NCAM1: variants seen among roughly 807,000 people sequenced by gnomAD.
The protein encoded by NCAM1 is neural cell adhesion molecule 1.
In NCAM1, 14 loss-of-function variants were observed where a neutral mutation model predicts 109.8. The observed-to-expected ratio is 0.13, with a 90% confidence interval of 0.08 to 0.20. The LOEUF is 0.20. NCAM1 is among the 10% of genes least tolerant of loss of function. The probability of loss-of-function intolerance (pLI) is 1.00; values close to 1 mark genes in which losing one functional copy is unlikely to be tolerated. For missense variants in NCAM1, 774 were observed against 1,109.9 expected, an observed-to-expected ratio of 0.70 and a Z score of 4.30; for synonymous variants, 418 against 442.9, an observed-to-expected ratio of 0.94 and a Z score of 0.70.
rs147958488 is a variant in NCAM1 at position 113,095,315 on chromosome 11, C to CGTGTGTGTGTGTGTGTGT, written c.53-107048_53-107047insGTGTGTGTGTGTGTGTGT. On this transcript the variant is annotated intron_variant, in intron 1 of 19. Coordinates refer to ENST00000316851, the MANE Select transcript of NCAM1 (RefSeq NM_181351.5). ...GCACTGACCTTGCTGTAATAGAATG[C>CGTGTGTGTGTGTGTGTGT]GTGTGTGTGTGTGTGTATATGTATG... Among the ~76,000 whole-genome samples, 530 of 151,260 alleles carry CGTGTGTGTGTGTGTGTGT rather than the reference C, an allele frequency of 3.5e-3. 1 individual carries two copies. Among genetic ancestry groups the CGTGTGTGTGTGTGTGTGT allele is most frequent in the African/African-American group, 0.011 (460 of 41,278 alleles).
chr11:113,225,955 C>A (rs1369743694), intron 9 of NCAM1, among the ~76,000 whole-genome samples: 1 of 152,214 alleles, frequency 6.6e-6, no homozygotes, highest in Non-Finnish European at 1.5e-5. Context: ...AAAGGAACAA[C>A]TGGTACCAGC....
intron 1 of NCAM1, among the ~76,000 whole-genome samples, chr11:113,160,188 G>C (rs1942553368): frequency 1.3e-5 from 2 of 152,076 alleles, no homozygotes; most frequent in Admixed American, 1.3e-4. Flanking sequence ...AGGCCCTGCT[G>C]AGCTTCCTAG....
chr11:113,192,305 G>A (rs1219723781), intron 1 of NCAM1, among the ~76,000 whole-genome samples: 1 of 152,214 alleles, frequency 6.6e-6, no homozygotes, highest in African/African-American at 2.4e-5. Flanking sequence ...TTTATCTGGA[G>A]AAGCTTAGCT....
chr11:113,148,210 G>T (rs1177195757), intron 1 of NCAM1, among the ~76,000 whole-genome samples: 2 of 152,092 alleles, frequency 1.3e-5, no homozygotes, highest in East Asian at 3.9e-4. Flanking sequence ...TGCAGGTGTG[G>T]CTCCCAGCAG....
chr11:113,049,708 A>T (rs1268687498), intron 1 of NCAM1, among the ~76,000 whole-genome samples: 1 of 152,212 alleles, frequency 6.6e-6, no homozygotes, highest in Non-Finnish European at 1.5e-5. Context: ...ACAGAAAAAT[A>T]GCAGGGGCTC....
At chr11:113,000,817 C>T (rs1407502034) in intron 1 of NCAM1, among the ~76,000 whole-genome samples, 12 of 129,438 alleles carry the variant, frequency 9.3e-5, no homozygotes, top group Non-Finnish European at 1.3e-4. Flanking sequence ...ATTATATATA[C>T]ATATATATAT....
chr11:113,074,351 A>G (rs1938432615), intron 1 of NCAM1, among the ~76,000 whole-genome samples: 1 of 152,208 alleles, frequency 6.6e-6, no homozygotes, highest in Non-Finnish European at 1.5e-5. Context: ...TGGCTGTGGC[A>G]GAAGGGTGCA....
At chr11:113,225,024 A>G (rs920751295) in intron 9 of NCAM1, among the ~76,000 whole-genome samples, 4 of 152,202 alleles carry the variant, frequency 2.6e-5, no homozygotes, top group African/African-American at 9.6e-5. Flanking sequence ...AAATCAGAGA[A>G]CCTCTTCTTC....
At position 113,278,159 on chromosome 11, in the gene NCAM1, T is replaced by G. The variant is rs1946443260; in HGVS notation, c.*2772T>G. 6.6e-6 allele frequency: 1 copy of G among 152,168 alleles called. No homozygotes were observed. Among genetic ancestry groups the G allele is most frequent in the African/African-American group, 2.4e-5 (1 of 41,424 alleles). The allele number at this position is 152,168 out of a possible 1,614,324, so 9.4% of individuals were successfully genotyped here. A position where few individuals can be genotyped will look rare whatever the true frequency, so the allele number is the denominator to read the frequency against. On this transcript the variant is annotated 3_prime_UTR_variant, in exon 20 of 20. Coordinates refer to ENST00000316851, the MANE Select transcript of NCAM1 (RefSeq NM_181351.5). ...TATAGTGCAGCTTTGGAGGTGGAAC[T>G]CTATTTTCACACTTTTCTATGGAGC... is the stretch of plus-strand genomic sequence containing the variant.
chr11:113,263,254 T>G, intron 17 of NCAM1: 1 of 1,046,066 alleles, frequency 9.6e-7, no homozygotes, highest in Non-Finnish European at 1.2e-6. Context: ...TGTTGCATTT[T>G]GGGTTCAAAC....
At chr11:112,998,857 T>C (rs570753908) in intron 1 of NCAM1, among the ~76,000 whole-genome samples, 1 of 152,216 alleles carries the variant, frequency 6.6e-6, no homozygotes, top group Non-Finnish European at 1.5e-5. Flanking sequence ...TAAAATGGTT[T>C]TTTGAACTTT....
intron 1 of NCAM1, among the ~76,000 whole-genome samples, chr11:113,098,617 G>T (rs782175478): frequency 6.6e-6 from 1 of 152,130 alleles, no homozygotes; most frequent in African/African-American, 2.4e-5. Flanking sequence ...GGAATTATTT[G>T]CTTTGTACCA....
At chr11:113,226,986 C>A (rs1181595900) in intron 9 of NCAM1, among the ~76,000 whole-genome samples, 2 of 152,100 alleles carry the variant, frequency 1.3e-5, no homozygotes, top group Non-Finnish European at 2.9e-5. Context: ...CAGGAAAGAT[C>A]TAAAATTGAC....
At position 113,044,893 on chromosome 11, in the gene NCAM1, AC is replaced by A. The variant is rs559612359; in HGVS notation, c.52+83230del. 2.6e-5 allele frequency among the ~76,000 whole-genome samples: 4 copies of A among 151,838 alleles called. No individual in the cohort carries two copies. In the South Asian group the frequency reaches 8.3e-4, roughly 31 times the overall value. ...CTCAGCCTCCCGAGTAGCTGGGACT[AC>A]AGGCACCCGCCACGACGCCTGGCTA... On this transcript the variant is annotated intron_variant, in intron 1 of 19. Transcript: ENST00000316851.
intron 1 of NCAM1, among the ~76,000 whole-genome samples, chr11:113,028,402 C>T (rs1241088047): frequency 2.0e-5 from 3 of 152,002 alleles, no homozygotes; most frequent in Non-Finnish European, 2.9e-5. Flanking sequence ...TATCAGAGGA[C>T]ATGAATCACA....
chr11:113,090,089 A>T (rs782257972), intron 1 of NCAM1, among the ~76,000 whole-genome samples: 15 of 152,190 alleles, frequency 9.9e-5, no homozygotes, highest in Non-Finnish European at 1.9e-4. Context: ...AGATTGTGGT[A>T]TTTCCAATTC....
intron 1 of NCAM1, among the ~76,000 whole-genome samples, chr11:113,098,468 T>C (rs1487277507): frequency 2.0e-5 from 3 of 152,114 alleles, no homozygotes; most frequent in Admixed American, 6.5e-5. Flanking sequence ...TATTATTTTT[T>C]CAAATATATT....
intron 1 of NCAM1, among the ~76,000 whole-genome samples, chr11:113,131,985 CT>C (rs1555098391): frequency 3.3e-5 from 5 of 152,214 alleles, no homozygotes; most frequent in African/African-American, 1.2e-4. Context: ...GAGCCACTTC[CT>C]TTGCCCTGCC....
At chr11:113,018,640 C>T (rs782677569) in intron 1 of NCAM1, among the ~76,000 whole-genome samples, 5 of 152,138 alleles carry the variant, frequency 3.3e-5, no homozygotes, top group Non-Finnish European at 7.4e-5. Context: ...GCATAATAAA[C>T]TTGAAATATT....
Sources: allele counts gnomAD v4.1 joint callset (sites outside exome capture counted in the v4.1 genomes callset), GRCh38; gene constraint gnomAD v4.1.1; transcripts MANE v1.5; gene names NCBI Gene and HGNC (gene_info 2026-07-23, HGNC 2026-07-21).